Variants in OXR1 observed in about 807,000 individuals in gnomAD.
OXR1 encodes oxidation resistance protein 1.
In OXR1, 41 loss-of-function variants were observed where a neutral mutation model predicts 104.6. That is an observed-to-expected ratio of 0.39 (90% CI 0.31 to 0.51). The LOEUF is 0.51. Among genes scored for constraint, OXR1 ranks in the 20% least tolerant of loss-of-function variants. The pLI is 0.77. For synonymous variants in OXR1, 348 were observed against 348.4 expected (o/e 1.00, Z 0.01); for missense variants, 955 against 1,031.9 (o/e 0.93, Z 1.02).
intron 3 of OXR1, among the ~76,000 whole-genome samples, chr8:106,655,368 C>CT (rs1367058063): frequency 1.3e-5 from 2 of 151,018 alleles, no homozygotes; most frequent in African/African-American, 4.9e-5. Context: ...TATAAGCAAG[C>CT]TTTTTTTAAG....
rs914364300 is a variant in OXR1, at chr8:106,666,109, G to A, written c.221-13101G>A. On this transcript the variant is annotated intron_variant, in intron 3 of 16. Coordinates refer to ENST00000517566, the MANE Select transcript of OXR1 (RefSeq NM_001198533.2). ...TCAATGGTGTAGCTCTAAACTGCAA[G>A]TTAGTAAAAGCACTTCTGTACAAGG... 3.3e-5 allele frequency among the ~76,000 whole-genome samples: 5 copies of A among 152,132 alleles called. No individual in the cohort carries two copies. In the East Asian group the frequency reaches 9.6e-4, roughly 29 times the overall value.
chr8:106,684,449 T>C (rs944542725), intron 6 of OXR1, 90 bp downstream of exon 6: 2 of 682,500 alleles, frequency 2.9e-6, no homozygotes, highest in Non-Finnish European at 5.2e-6. Context: ...ATTTTGACTA[T>C]GGTTAGAATG....
intron 11 of OXR1, among the ~76,000 whole-genome samples, chr8:106,734,381 CAT>C (rs774587180): frequency 1.6e-4 from 25 of 152,210 alleles, no homozygotes; most frequent in Non-Finnish European, 3.2e-4. Flanking sequence ...CCTTCTTTAA[CAT>C]ATTTTTTGAG....
chr8:106,361,594 C>T (rs942700053), intron 2 of OXR1, among the ~76,000 whole-genome samples: 4 of 152,134 alleles, frequency 2.6e-5, no homozygotes, highest in African/African-American at 7.2e-5. Flanking sequence ...GTTTAGACAT[C>T]GTTAACCTTC....
intron 2 of OXR1, among the ~76,000 whole-genome samples, chr8:106,391,894 C>A (rs1213412001): frequency 6.6e-6 from 1 of 152,156 alleles, no homozygotes; most frequent in African/African-American, 2.4e-5. Context: ...AGGGCAGGGG[C>A]ACCTTCACAC....
At chr8:106,605,110 C>A (rs534283762) in intron 3 of OXR1, 28 of 152,236 alleles carry the variant, frequency 1.8e-4, no homozygotes, top group African/African-American at 6.3e-4. Context: ...TGCACTGGGG[C>A]AAAATCGTTC....
At chr8:106,609,819 T>C (rs939782273) in intron 3 of OXR1, among the ~76,000 whole-genome samples, 7 of 135,728 alleles carry the variant, frequency 5.2e-5, no homozygotes, top group African/African-American at 2.0e-4. Context: ...TCAATAAGTA[T>C]ATATGTGTGT....
intron 1 of OXR1, among the ~76,000 whole-genome samples, chr8:106,333,178 C>T (rs1170653871): frequency 6.6e-6 from 1 of 152,048 alleles, no homozygotes; most frequent in Non-Finnish European, 1.5e-5. Context: ...ATTACTGGAT[C>T]ATATGATAAC....
chr8:106,686,033 C>G (rs968814894), intron 6 of OXR1, among the ~76,000 whole-genome samples: 12 of 152,074 alleles, frequency 7.9e-5, no homozygotes, highest in African/African-American at 2.9e-4. Context: ...GAATGGAAAA[C>G]TAAACATCGC....
intron 3 of OXR1, among the ~76,000 whole-genome samples, chr8:106,554,086 C>A (rs1816079425): frequency 6.6e-6 from 1 of 152,144 alleles, no homozygotes; most frequent in South Asian, 2.1e-4. Context: ...GAGACCCTCA[C>A]CATAACATCC....
chr8:106,304,259 T>C (rs533919470), intron 1 of OXR1, among the ~76,000 whole-genome samples: 8 of 152,326 alleles, frequency 5.3e-5, no homozygotes, highest in Non-Finnish European at 1.2e-4. Flanking sequence ...TGAAGACATA[T>C]TTTCTTGGAA....
chr8:106,636,774 T>G (rs575515533), intron 3 of OXR1, among the ~76,000 whole-genome samples: 7 of 152,284 alleles, frequency 4.6e-5, no homozygotes, highest in Non-Finnish European at 8.8e-5. Flanking sequence ...GGAATTTTGG[T>G]TTCAACTGTG....
intron 3 of OXR1, among the ~76,000 whole-genome samples, chr8:106,593,763 G>A (rs373039742): frequency 9.9e-5 from 15 of 152,116 alleles, no homozygotes; most frequent in South Asian, 2.1e-4. Context: ...GCGACAGAGC[G>A]AGACTCCATC....
At chr8:106,695,909 T>C (rs1829979904) in intron 7 of OXR1, among the ~76,000 whole-genome samples, 1 of 152,114 alleles carries the variant, frequency 6.6e-6, no homozygotes, top group Non-Finnish European at 1.5e-5. Context: ...TCTCCCCCTT[T>C]CCCCAGTTTC....
chr8:106,630,490 GTTGTGTTTTATTT>G (rs1168855727), intron 3 of OXR1, among the ~76,000 whole-genome samples: 2 of 152,184 alleles, frequency 1.3e-5, no homozygotes, highest in Non-Finnish European at 2.9e-5. Flanking sequence ...GTACTATGTT[GTTGTGTTTTATTT>G]TTGTGTTTTA....
At chr8:106,302,589 A>G (rs1165650217) in intron 1 of OXR1, among the ~76,000 whole-genome samples, 16 of 151,688 alleles carry the variant, frequency 1.1e-4, no homozygotes, top group Non-Finnish European at 1.9e-4. Context: ...CTGTCTCAAA[A>G]AAAAAAAAAA....
intron 2 of OXR1, among the ~76,000 whole-genome samples, chr8:106,441,586 C>A (rs1477484516): frequency 1.3e-5 from 2 of 151,936 alleles, no homozygotes; most frequent in Non-Finnish European, 2.9e-5. Context: ...TCCTCTCTTA[C>A]TTCCTTGAGA....
At chr8:106,681,274 A>G (rs545933449) in intron 4 of OXR1, among the ~76,000 whole-genome samples, 1 of 152,324 alleles carries the variant, frequency 6.6e-6, no homozygotes, top group South Asian at 2.1e-4. Flanking sequence ...CCTTTTATAT[A>G]TATTATCTCG....
intron 3 of OXR1, among the ~76,000 whole-genome samples, chr8:106,637,773 T>A (rs1295094897): frequency 6.6e-6 from 1 of 151,240 alleles, no homozygotes; most frequent in Admixed American, 6.6e-5. Context: ...TTTTTTTTTT[T>A]TTTTTTTAGA....
Sources: allele counts gnomAD v4.1 joint callset (sites outside exome capture counted in the v4.1 genomes callset), GRCh38; gene constraint gnomAD v4.1.1; transcripts MANE v1.5; gene names NCBI Gene and HGNC (gene_info 2026-07-23, HGNC 2026-07-21).